The following ZBTB44 variants were observed in gnomAD, a reference collection of about 807,000 sequenced individuals.
ZBTB44 encodes the protein zinc finger and BTB domain-containing protein 44.
A neutral mutation model predicts 54.0 loss-of-function variants in ZBTB44; 15 were observed. The observed-to-expected ratio is 0.28, with a 90% CI of 0.19 to 0.43. The LOEUF is 0.43. Ranked by LOEUF, ZBTB44 falls within the 20% of genes least tolerant of loss-of-function variation. The pLI is 1.00. For missense variants in ZBTB44, 487 were observed against 707.1 expected, an observed-to-expected ratio of 0.69 and a Z score of 3.53; for synonymous variants, 230 against 250.1, an observed-to-expected ratio of 0.92 and a Z score of 0.76.
Position 130,227,835 on chromosome 11 carries a change from T to C in ZBTB44, c.*3929A>G, listed in dbSNP as rs1325500923. ...CCAAACAACAGTTTCTTCTATCACT[T>C]AATTCTGGTCTTATTACCTCAGTCT... On this transcript the variant is annotated 3_prime_UTR_variant, in exon 8 of 8. Transcript: ENST00000357899. 1 of 152,186 alleles carries C rather than the reference T, an allele frequency of 6.6e-6. No homozygotes were observed. The highest frequency in any genetic ancestry group is 2.4e-5 in the African/African-American group (1 of 41,462). 9.4% of individuals were successfully genotyped at this position (152,186 alleles called of 1,614,324 possible).
At chr11:130,291,742 T>C (rs528098994) in intron 1 of ZBTB44, among the ~76,000 whole-genome samples, 1 of 152,360 alleles carries the variant, frequency 6.6e-6, no homozygotes, top group Non-Finnish European at 1.5e-5. Flanking sequence ...TATTCCAATA[T>C]ATTTATGGAA....
chr11:130,309,674 C>A (rs1206592822), intron 1 of ZBTB44, among the ~76,000 whole-genome samples: 1 of 151,930 alleles, frequency 6.6e-6, no homozygotes, highest in East Asian at 1.9e-4. Flanking sequence ...GCAGGTGAAT[C>A]ACTTGAGGTC....
In ZBTB44 at chr11:130,239,853, T is replaced by C. The variant is rs1430816469; in HGVS notation, c.1062A>G (p.Gln354=). ...EGVSEGLPTL[Q]STSSTNAPPD... is the part of the protein sequence containing the mutation. ...GAGGAGCATTAGTGCTAGACGTGCT[T>C]TGAAGTGTAGGCAAGCCCTCAGAAA... The change falls in exon 3 of 8, where the codon CAA becomes CAG. Residue 354 remains glutamine, a synonymous_variant. Coordinates refer to ENST00000357899, the MANE Select transcript of ZBTB44 (RefSeq NM_001301098.2). The C allele has an allele frequency of 1.2e-6, 2 of 1,612,554 alleles. No individual in the cohort carries two copies. Among genetic ancestry groups the C allele is most frequent in the East Asian group, 2.2e-5 (1 of 44,844 alleles).
chr11:130,255,557 A>G (rs567689284), intron 2 of ZBTB44, among the ~76,000 whole-genome samples: 1 of 152,310 alleles, frequency 6.6e-6, no homozygotes, highest in South Asian at 2.1e-4. Context: ...CTAAGAACAG[A>G]GCAGAACCGA....
At chr11:130,247,303 G>A (rs1380289874) in intron 2 of ZBTB44, among the ~76,000 whole-genome samples, 1 of 152,162 alleles carries the variant, frequency 6.6e-6, no homozygotes, top group Non-Finnish European at 1.5e-5. Context: ...TAAATTCCTT[G>A]TTGCTTCGTC....
chr11:130,301,209 T>A (rs1941969366), intron 1 of ZBTB44, among the ~76,000 whole-genome samples: 1 of 151,786 alleles, frequency 6.6e-6, no homozygotes, highest in South Asian at 2.1e-4. Context: ...AAAGAAAGAG[T>A]ACAGCTATAG....
Position 130,261,288 on chromosome 11 carries a change from C to A in ZBTB44, c.586G>T (p.Val196Leu), listed in dbSNP as rs1938846548. 6.2e-7 allele frequency: 1 copy of A among 1,613,706 alleles called. No individual in the cohort carries two copies. ...SYIVMSPESP[V>L]KCGTQTSSPQ... ...GAGCTTGTTTGTGTGCCACACTTTA[C>A]AGGACTTTCAGGAGACATAACAATG... The change falls in exon 2 of 8, where the codon GTA becomes TTA. Residue 196 changes from valine to leucine, a missense_variant. This residue lies in a region of ZBTB44 where 277 missense variants were observed against 306.5 expected (regional missense o/e 0.90). Coordinates refer to ENST00000357899, the MANE Select transcript of ZBTB44 (RefSeq NM_001301098.2). This position sits in a 1 kb window ranked among gnomAD's most constrained non-coding sequence, Gnocchi z 4.8.
At chr11:130,280,542 G>C (rs1420810868) in intron 1 of ZBTB44, among the ~76,000 whole-genome samples, 1 of 152,160 alleles carries the variant, frequency 6.6e-6, no homozygotes, top group Admixed American at 6.5e-5. Flanking sequence ...AAAACTAGTA[G>C]GCAGAAAATT....
chr11:130,247,239 G>C (rs1028849692), intron 2 of ZBTB44, among the ~76,000 whole-genome samples: 8 of 152,146 alleles, frequency 5.3e-5, no homozygotes, highest in Admixed American at 2.6e-4. Flanking sequence ...TTCAATCATA[G>C]GTGGTCTTTG....
chr11:130,307,200 A>G (rs371877319), intron 1 of ZBTB44, among the ~76,000 whole-genome samples: 2 of 152,220 alleles, frequency 1.3e-5, no homozygotes, highest in African/African-American at 4.8e-5. Flanking sequence ...CAAGGTGGGC[A>G]GATCACAAGG....
intron 3 of ZBTB44, 32 bp from the exon 4 acceptor site, chr11:130,238,639 GCT>G (rs779790886): frequency 6.3e-7 from 1 of 1,589,888 alleles, no homozygotes; most frequent in Non-Finnish European, 8.6e-7. Flanking sequence ...AGGCAACCAG[GCT>G]CTGATTTTTA....
chr11:130,235,978 AAAAG>A (rs942832549), intron 5 of ZBTB44: 93 of 896,558 alleles, frequency 1.0e-4, no homozygotes, highest in South Asian at 1.9e-4. Context: ...AAAAAAAAAA[AAAAG>A]AAAGATTTGT....
chr11:130,268,876 G>A (rs779552301), intron 1 of ZBTB44, among the ~76,000 whole-genome samples: 4 of 150,692 alleles, frequency 2.7e-5, no homozygotes, highest in Admixed American at 6.6e-5. Context: ...CATCACGCTC[G>A]GCCTCAAATT....
intron 1 of ZBTB44, among the ~76,000 whole-genome samples, chr11:130,302,731 T>C (rs780554918): frequency 1.2e-4 from 19 of 152,198 alleles, no homozygotes; most frequent in Non-Finnish European, 2.6e-4. Context: ...CCCAACACTT[T>C]GGGAGGCTGA....
intron 2 of ZBTB44, among the ~76,000 whole-genome samples, chr11:130,244,562 G>C (rs1302685250): frequency 6.6e-6 from 1 of 151,656 alleles, no homozygotes; most frequent in African/African-American, 2.4e-5. Flanking sequence ...AGCTACTCGG[G>C]AGGCTGAGGC....
Position 130,310,652 on chromosome 11 carries a change from T to C in ZBTB44, c.-57+3723A>G, listed in dbSNP as rs536019904. Among the ~76,000 whole-genome samples the C allele has an allele frequency of 1.6e-3, 243 of 152,328 alleles. 5 individuals carry two copies. In the South Asian group the frequency reaches 0.035, roughly 22 times the overall value. On this transcript the variant is annotated intron_variant, in intron 1 of 7. Coordinates refer to ENST00000357899, the MANE Select transcript of ZBTB44 (RefSeq NM_001301098.2). ...TTCTTCTGAGCTTGATGTGAGAATG[T>C]AGTAGATACTAAAAGGAGTATGGTA...
chr11:130,305,957 T>C (rs909212506), intron 1 of ZBTB44, among the ~76,000 whole-genome samples: 3 of 151,404 alleles, frequency 2.0e-5, no homozygotes, highest in Non-Finnish European at 2.9e-5. Context: ...AAAAAAAACA[T>C]AGACAATTCT....
At chr11:130,275,798 T>G (rs963920045) in intron 1 of ZBTB44, among the ~76,000 whole-genome samples, 2 of 152,096 alleles carry the variant, frequency 1.3e-5, no homozygotes, top group Non-Finnish European at 2.9e-5. Context: ...CAGATAATTT[T>G]TGTATTTTTA....
intron 1 of ZBTB44, among the ~76,000 whole-genome samples, chr11:130,273,788 G>A (rs1047672767): frequency 2.0e-5 from 3 of 152,006 alleles, no homozygotes; most frequent in Non-Finnish European, 4.4e-5. Context: ...ATGCTTGGGG[G>A]CCAGGCATGG....
Sources: gnomAD v4.1 joint callset for allele counts (sites outside exome capture counted in the v4.1 genomes callset) on GRCh38, gnomAD v4.1.1 for gene constraint, gnomAD v4.1.1 regional missense constraint, Gnocchi (gnomAD v3.1) non-coding constraint, MANE v1.5 for transcripts, NCBI Gene and HGNC (gene_info 2026-07-23, HGNC 2026-07-21) for gene names.